Variants in MELK observed in about 807,000 individuals in gnomAD.
The protein encoded by MELK is pEg3 kinase.
MELK carries 81 observed loss-of-function variants against 85.0 expected under a neutral mutation model. The ratio of observed to expected loss-of-function variants is 0.95; its 90% CI spans 0.80 to 1.15. The LOEUF (loss-of-function observed/expected upper bound fraction) is 1.15. Ranked by LOEUF, MELK falls within the 50% of genes most tolerant of loss-of-function variation. MELK has a pLI of 0.00. For synonymous variants in MELK, 252 were observed against 265.0 expected (o/e 0.95, Z 0.48); for missense variants, 754 against 777.5 (o/e 0.97, Z 0.36).
intron 8 of MELK, among the ~76,000 whole-genome samples, chr9:36,612,221 G>C (rs980010483): frequency 6.7e-6 from 1 of 150,038 alleles, no homozygotes. Flanking sequence ...TCAGCCTCCT[G>C]AGTAGCTGGG....
chr9:36,594,592 G>A (rs373679372), intron 4 of MELK, 36 bp from the exon 5 acceptor site: 43 of 1,587,240 alleles, frequency 2.7e-5, no homozygotes, highest in Admixed American at 5.6e-5. Context: ...GATTTTTTAA[G>A]TTGTAACAAT....
At chr9:36,580,269 C>T (rs1822086533) in intron 1 of MELK, among the ~76,000 whole-genome samples, 1 of 151,912 alleles carries the variant, frequency 6.6e-6, no homozygotes, top group African/African-American at 2.4e-5. Context: ...ACCTTGTGAT[C>T]CACCCGCCTC....
At chr9:36,581,781 A>G (rs201459615) in intron 2 of MELK, 42 bp downstream of exon 2, 8 of 1,469,732 alleles carry the variant, frequency 5.4e-6, no homozygotes, top group Non-Finnish European at 7.6e-6. Flanking sequence ...TAGATCAACT[A>G]TTTGAGAGTA....
intron 13 of MELK, among the ~76,000 whole-genome samples, chr9:36,659,285 G>T (rs1295021008): frequency 6.6e-6 from 1 of 152,130 alleles, no homozygotes; most frequent in African/African-American, 2.4e-5. Context: ...CAAAGTGCTG[G>T]GATTACAGGC....
At chr9:36,580,342 G>A (rs1350953602) in intron 1 of MELK, among the ~76,000 whole-genome samples, 1 of 146,424 alleles carries the variant, frequency 6.8e-6, no homozygotes, top group Non-Finnish European at 1.5e-5. Context: ...TTTTTGAGAC[G>A]GAGTTTCACT....
At chr9:36,589,718 A>T in intron 4 of MELK, 66 bp downstream of exon 4, 1 of 1,157,692 alleles carries the variant, frequency 8.6e-7, no homozygotes, top group Non-Finnish European at 1.3e-6. Context: ...AGAGAAAAGT[A>T]CATTTCACCT....
intron 14 of MELK, among the ~76,000 whole-genome samples, chr9:36,667,916 C>CA (rs1166063048): frequency 1.3e-5 from 2 of 152,072 alleles, no homozygotes; most frequent in African/African-American, 4.8e-5. Flanking sequence ...TACAGGTGCG[C>CA]ACCACCATGC....
intron 8 of MELK, chr9:36,629,890 G>A (rs1429436021): frequency 2.1e-5 from 3 of 145,956 alleles, no homozygotes; most frequent in African/African-American, 7.9e-5. Context: ...TGTCACCCAG[G>A]TTGGAGTGCA....
chr9:36,643,197 A>G (rs1829918831), intron 11 of MELK, 114 bp downstream of exon 11: 1 of 744,864 alleles, frequency 1.3e-6, no homozygotes, highest in Non-Finnish European at 2.1e-6. Context: ...AGCCTGGCCA[A>G]TGTGGTGAAA....
intron 13 of MELK, among the ~76,000 whole-genome samples, chr9:36,663,080 C>CG (rs1832008095): frequency 6.9e-6 from 1 of 145,820 alleles, no homozygotes; most frequent in Middle Eastern, 3.3e-3. Context: ...TTCCTTGTTT[C>CG]TTTTTTTTTT....
At chr9:36,657,705 C>T (rs1042680566) in intron 13 of MELK, among the ~76,000 whole-genome samples, 1 of 152,204 alleles carries the variant, frequency 6.6e-6, no homozygotes, top group Non-Finnish European at 1.5e-5. Flanking sequence ...ATTCTCATGC[C>T]TCCTGAGTAG....
At chr9:36,578,218 A>G (rs1237066324) in intron 1 of MELK, among the ~76,000 whole-genome samples, 2 of 147,552 alleles carry the variant, frequency 1.4e-5, no homozygotes, top group African/African-American at 5.0e-5. Flanking sequence ...CTGATTTTGT[A>G]TGGTGTGAGA....
intron 6 of MELK, among the ~76,000 whole-genome samples, chr9:36,598,138 A>C (rs956295985): frequency 5.3e-5 from 8 of 151,810 alleles, no homozygotes; most frequent in African/African-American, 1.9e-4. Flanking sequence ...GGCTCTTTAG[A>C]AACTATAAGT....
intron 8 of MELK, among the ~76,000 whole-genome samples, chr9:36,611,110 A>ACTT (rs1826017323): frequency 6.6e-6 from 1 of 152,188 alleles, no homozygotes; most frequent in Non-Finnish European, 1.5e-5. Context: ...AATCTGAAAC[A>ACTT]CTTCTGTTCC....
chr9:36,579,046 A>G (rs916606110), intron 1 of MELK, among the ~76,000 whole-genome samples: 1 of 133,244 alleles, frequency 7.5e-6, no homozygotes, highest in African/African-American at 2.9e-5. Flanking sequence ...TATTTTTGTG[A>G]GATGGAATTT....
intron 4 of MELK, among the ~76,000 whole-genome samples, chr9:36,592,364 C>T (rs1308920646): frequency 2.0e-5 from 3 of 151,802 alleles, no homozygotes; most frequent in African/African-American, 4.8e-5. Context: ...TTAGTAGAGA[C>T]GGAGTTTTAC....
At chr9:36,604,268 C>CTTTTTTTT (rs10598117) in intron 7 of MELK, among the ~76,000 whole-genome samples, 1 of 33,750 alleles carries the variant, frequency 3.0e-5, no homozygotes, top group East Asian at 1.0e-3. Flanking sequence ...CGCGCCCGGG[C>CTTTTTTTT]TTTTTTTTTT....
rs138542420 is a variant in MELK, at chr9:36,608,444, CAT to C, written c.666+773_666+774del. On this transcript the variant is annotated intron_variant, in intron 8 of 17. Transcript: ENST00000298048. ...ATATATATATATATATGGAAAGAAA[CAT>C]AGCACATATAGGGTTCATTGCTATC... Among the ~76,000 whole-genome samples, 1,061 of 151,254 alleles carry C rather than the reference CAT, an allele frequency of 7.0e-3. 14 individuals carry two copies. Among genetic ancestry groups the C allele is most frequent in the African/African-American group, 0.025 (1,027 of 41,302 alleles).
chr9:36,576,382 G>GT (rs1484151239), intron 1 of MELK, among the ~76,000 whole-genome samples: 8 of 152,316 alleles, frequency 5.3e-5, no homozygotes, highest in Non-Finnish European at 8.8e-5. Context: ...TTATCAGAAT[G>GT]TCGTTTTGCA....
Sources: allele counts gnomAD v4.1 joint callset (sites outside exome capture counted in the v4.1 genomes callset), GRCh38; gene constraint gnomAD v4.1.1; transcripts MANE v1.5; gene names NCBI Gene and HGNC (gene_info 2026-07-23, HGNC 2026-07-21).